Variants in PRDX4 observed in about 807,000 individuals in gnomAD.
PRDX4 encodes the protein peroxiredoxin 4, also known as peroxiredoxin-4.
Under a neutral mutation model 20.5 loss-of-function variants are expected in PRDX4, and 12 were observed. That is an observed-to-expected ratio of 0.58 (90% CI 0.37 to 0.95). PRDX4 has a LOEUF of 0.95. Ranked by LOEUF, PRDX4 falls within the 40% of genes least tolerant of loss-of-function variation. The probability of loss-of-function intolerance (pLI) is 0.01; values close to 1 mark genes in which losing one functional copy is unlikely to be tolerated. For synonymous variants in PRDX4, 99 were observed against 87.5 expected (o/e 1.13, Z -0.73); for missense variants, 180 against 207.3 (o/e 0.87, Z 0.81).
chrX:23,669,070 C>T (rs527749), intron 1 of PRDX4, among the ~76,000 whole-genome samples: 42,818 of 109,408 alleles, frequency 0.39, 6,239 homozygotes, highest in Middle Eastern at 0.53. Context: ...GGACTACAGG[C>T]GCGCACCACC....
intron 2 of PRDX4, among the ~76,000 whole-genome samples, chrX:23,672,626 T>G (rs1927869829): frequency 8.9e-6 from 1 of 112,419 alleles, no homozygotes; most frequent in Non-Finnish European, 1.9e-5. Flanking sequence ...TTATGTCAAT[T>G]TTTATCTTTT....
intron 4 of PRDX4, among the ~76,000 whole-genome samples, chrX:23,681,539 AC>A (rs1268333558): frequency 2.7e-5 from 3 of 112,137 alleles, no homozygotes; most frequent in African/African-American, 9.7e-5. Flanking sequence ...ATGTATTGCT[AC>A]CAGTAGTTTC....
intron 6 of PRDX4, among the ~76,000 whole-genome samples, chrX:23,683,962 G>A (rs1287616560): frequency 9.5e-6 from 1 of 105,165 alleles, no homozygotes; most frequent in Non-Finnish European, 1.9e-5. Flanking sequence ...GCAGGAGAAT[G>A]GCATGAACCC....
chrX:23,682,483 A>G lies in PRDX4; in HGVS notation c.687A>G (p.Leu229=). 8.5e-7 allele frequency: 1 copy of G among 1,182,737 alleles called. No individual in the cohort carries two copies. Among genetic ancestry groups the G allele is most frequent in the South Asian group, 1.8e-5 (1 of 54,359 alleles). The change falls in exon 5 of 7, where the codon CTA becomes CTG. Residue 229 remains leucine, a synonymous_variant. Coordinates refer to ENST00000379341, the MANE Select transcript of PRDX4 (RefSeq NM_006406.2). ...TGGGTAGATCAGTGGATGAGACACT[A>G]CGTTTGGTTCAAGCATTCCAGTACA... is the stretch of plus-strand genomic sequence containing the variant. The part of the protein sequence containing the change: ...LPVGRSVDET[L]RLVQAFQYTD...
intron 1 of PRDX4, among the ~76,000 whole-genome samples, chrX:23,669,749 T>G (rs1927809158): frequency 9.1e-6 from 1 of 109,477 alleles, no homozygotes; most frequent in Non-Finnish European, 1.9e-5. Flanking sequence ...AAACCCTGTG[T>G]CTACTAAAAA....
chrX:23,673,544 G>A (rs1927885014), intron 2 of PRDX4, among the ~76,000 whole-genome samples: 1 of 112,054 alleles, frequency 8.9e-6, no homozygotes, highest in East Asian at 2.8e-4. Flanking sequence ...CCTGAGGTCA[G>A]GAGTTCTAGA....
chrX:23,668,574 T>C (rs1001514364), intron 1 of PRDX4, among the ~76,000 whole-genome samples: 1 of 112,808 alleles, frequency 8.9e-6, no homozygotes, highest in African/African-American at 3.2e-5. Context: ...GTGAAAGTTG[T>C]AGCCTGCTAC....
intron 4 of PRDX4, among the ~76,000 whole-genome samples, chrX:23,681,651 C>A (rs771404593): frequency 3.6e-5 from 4 of 112,440 alleles, no homozygotes; most frequent in Non-Finnish European, 5.6e-5. Flanking sequence ...ACGACTGAGG[C>A]AGTTTTAAAA....
At chrX:23,673,613 G>A (rs984329633) in intron 2 of PRDX4, among the ~76,000 whole-genome samples, 5 of 110,288 alleles carry the variant, frequency 4.5e-5, no homozygotes, top group African/African-American at 1.6e-4. Context: ...AAAATTACCC[G>A]GGCGTGGTGG....
intron 4 of PRDX4, among the ~76,000 whole-genome samples, chrX:23,680,177 G>A (rs1425070902): frequency 5.4e-5 from 6 of 111,614 alleles, no homozygotes; most frequent in Non-Finnish European, 9.4e-5. Flanking sequence ...ATAGAGTTCC[G>A]TGATCTTAGC....
At chrX:23,669,019 G>A (rs1193316293) in intron 1 of PRDX4, among the ~76,000 whole-genome samples, 2 of 110,483 alleles carry the variant, frequency 1.8e-5, no homozygotes, top group African/African-American at 6.6e-5. Flanking sequence ...TCCGCCGCCC[G>A]GGTTCAAGCG....
At chrX:23,680,559 T>C (rs914389658) in intron 4 of PRDX4, among the ~76,000 whole-genome samples, 29 of 111,142 alleles carry the variant, frequency 2.6e-4, no homozygotes, top group African/African-American at 9.5e-4. Context: ...AACAACTTTA[T>C]TGGAATATAG....
chrX:23,667,890 C>T (rs911059644), intron 1 of PRDX4, 79 bp downstream of exon 1: 7 of 1,164,519 alleles, frequency 6.0e-6, no homozygotes, highest in Non-Finnish European at 8.0e-6. Flanking sequence ...GGAATCTGGG[C>T]TTGGGCGGCA....
chrX:23,675,109 C>G lies in PRDX4; in HGVS notation c.476+3C>G. 1 of 1,210,676 alleles carries G rather than the reference C, an allele frequency of 8.3e-7. No individual in the cohort carries two copies. The highest frequency in any genetic ancestry group is 3.0e-5 in the East Asian group (1 of 33,780). The stretch of plus-strand genomic sequence containing the variant: ...TCACAGTTTACCCATTTGGCCTGGT[C>G]AGTATCTTACACTTATATTCGTAGA... On this transcript the variant is annotated splice_donor_region_variant and intron_variant, in intron 3 of 6. Coordinates refer to ENST00000379341, the MANE Select transcript of PRDX4 (RefSeq NM_006406.2).
At chrX:23,673,290 T>C (rs1161906028) in intron 2 of PRDX4, among the ~76,000 whole-genome samples, 4 of 112,586 alleles carry the variant, frequency 3.6e-5, no homozygotes, top group Non-Finnish European at 5.6e-5. Context: ...CCTGTTTTCA[T>C]GTAATGCTGG....
rs1454613771 is a variant in PRDX4 at position 23,667,533 on chromosome X, G to T, written c.-38G>T. On this transcript the variant is annotated 5_prime_UTR_variant, in exon 1 of 7. Coordinates refer to ENST00000379341, the MANE Select transcript of PRDX4 (RefSeq NM_006406.2). ...GCTGCCCGGCGGCGGCAGAAGCGGC[G>T]CTCGCGCCAAGGGACGTGTTTCTGC... 8.8e-7 allele frequency: 1 copy of T among 1,139,088 alleles called. No homozygotes were observed. Among genetic ancestry groups the T allele is most frequent in the South Asian group, 2.0e-5 (1 of 49,014 alleles). The allele number at this position is 1,139,088 out of a possible 1,213,427, so 93.9% of individuals were successfully genotyped here.
intron 3 of PRDX4, among the ~76,000 whole-genome samples, chrX:23,676,750 C>G (rs1927957760): frequency 9.4e-6 from 1 of 106,604 alleles, no homozygotes; most frequent in Non-Finnish European, 1.9e-5. Flanking sequence ...CAAGATCATA[C>G]CACTGCACTT....
At chrX:23,678,925 CA>C (rs746586397) in intron 3 of PRDX4, among the ~76,000 whole-genome samples, 52 of 111,480 alleles carry the variant, frequency 4.7e-4, no homozygotes, top group Non-Finnish European at 8.3e-4. Flanking sequence ...GGAGACAGAG[CA>C]AGACCCTGTC....
intron 1 of PRDX4, among the ~76,000 whole-genome samples, chrX:23,670,008 G>T (rs1927814848): frequency 9.0e-6 from 1 of 111,340 alleles, no homozygotes; most frequent in Admixed American, 9.6e-5. Flanking sequence ...GGGAGTTATG[G>T]AGAGAGAGGA....
Sources: gnomAD v4.1 joint callset for allele counts (sites outside exome capture counted in the v4.1 genomes callset) on GRCh38, gnomAD v4.1.1 for gene constraint, MANE v1.5 for transcripts, NCBI Gene and HGNC (gene_info 2026-07-23, HGNC 2026-07-21) for gene names.